GREB1L: variants seen among roughly 807,000 people sequenced by gnomAD.
GREB1L encodes GREB1 like retinoic acid receptor coactivator.
GREB1L carries 17 observed loss-of-function variants against 200.8 expected under a neutral mutation model. The ratio of observed to expected loss-of-function variants is 0.08; its 90% CI spans 0.06 to 0.13. The LOEUF is 0.13. Ranked by LOEUF, GREB1L falls within the 10% of genes least tolerant of loss-of-function variation. GREB1L has a pLI of 1.00. For missense variants in GREB1L, 1,657 were observed against 2,367.7 expected, an observed-to-expected ratio of 0.70 and a Z score of 6.23; for synonymous variants, 789 against 893.0, an observed-to-expected ratio of 0.88 and a Z score of 2.08.
At chr18:21,451,661 T>C (rs1191546335) in intron 13 of GREB1L, among the ~76,000 whole-genome samples, 1 of 151,808 alleles carries the variant, frequency 6.6e-6, no homozygotes, top group Non-Finnish European at 1.5e-5. Context: ...GCCTGGCTAA[T>C]TTTTTAATTT....
chr18:21,440,488 G>A, intron 9 of GREB1L, 100 bp downstream of exon 9: 5 of 1,171,768 alleles, frequency 4.3e-6, no homozygotes, highest in Non-Finnish European at 4.9e-6. Context: ...TGAGTTATAT[G>A]AGGATATTGA....
At chr18:21,310,972 G>C (rs1353034282) in intron 1 of GREB1L, among the ~76,000 whole-genome samples, 1 of 152,184 alleles carries the variant, frequency 6.6e-6, no homozygotes, top group African/African-American at 2.4e-5. Context: ...TTTGGGTTTG[G>C]TGAGTAGAGG....
Position 21,514,000 on chromosome 18 carries a change from C to G in GREB1L, c.4901+14C>G, listed in dbSNP as rs181329409. The G allele has an allele frequency of 1.3e-6, 2 of 1,549,850 alleles. No individual in the cohort carries two copies. The highest frequency in any genetic ancestry group is 2.4e-5 in the East Asian group (1 of 40,916). On this transcript the variant is annotated intron_variant, in intron 28 of 32. Coordinates refer to ENST00000424526, the MANE Select transcript of GREB1L (RefSeq NM_001142966.3). ...GGAGCCATCCAGGTAGACTTCCAAG[C>G]TGGGGGCGTATGACACAATGCTATA...
intron 13 of GREB1L, 53 bp from the exon 14 acceptor site, chr18:21,452,030 A>C: frequency 6.5e-7 from 1 of 1,529,254 alleles, no homozygotes; most frequent in Non-Finnish European, 8.8e-7. Flanking sequence ...AGTTAATAAA[A>C]ATGAAACAAA....
intron 1 of GREB1L, among the ~76,000 whole-genome samples, chr18:21,274,140 G>A (rs899945109): frequency 3.3e-5 from 5 of 152,076 alleles, no homozygotes; most frequent in Admixed American, 3.3e-4. Context: ...TCTGCTAAGG[G>A]TCCATTTCTT....
intron 31 of GREB1L, among the ~76,000 whole-genome samples, chr18:21,519,979 GGTGCAATCTCGGCTCA>G (rs1368561448): frequency 6.7e-6 from 1 of 150,370 alleles, no homozygotes; most frequent in African/African-American, 2.5e-5. Flanking sequence ...GGAGTGCAAT[GGTGCAATCTCGGCTCA>G]GTGCAACCTC....
chr18:21,328,380 C>A (rs930983371), intron 1 of GREB1L, among the ~76,000 whole-genome samples: 1 of 152,158 alleles, frequency 6.6e-6, no homozygotes, highest in African/African-American at 2.4e-5. Flanking sequence ...CCCAGTAAGA[C>A]CCCAACCTGA....
intron 1 of GREB1L, among the ~76,000 whole-genome samples, chr18:21,315,670 A>AGGCAGGGAGGCCTACTCCCTATTTTAGAC (rs2038856116): frequency 1.3e-5 from 2 of 152,090 alleles, no homozygotes; most frequent in Admixed American, 1.3e-4. Context: ...GAGGCCTACT[A>AGGCAGGGAGGCCTACTCCCTATTTTAGAC]ATATATGTCT....
chr18:21,386,703 C>T (rs2040557041), intron 4 of GREB1L, among the ~76,000 whole-genome samples: 1 of 147,690 alleles, frequency 6.8e-6, no homozygotes, highest in Non-Finnish European at 1.5e-5. Context: ...GACAGGATTC[C>T]ACCGTGTTAG....
chr18:21,499,538 C>CCAACTGAGAAGCCAGGG (rs2036687064), intron 21 of GREB1L, among the ~76,000 whole-genome samples, 191 bp from the exon 22 acceptor site: 1 of 152,192 alleles, frequency 6.6e-6, no homozygotes, highest in African/African-American at 2.4e-5. Flanking sequence ...ATTGGCCAAA[C>CCAACTGAGAAGCCAGGG]CAACTGAGAA....
intron 17 of GREB1L, among the ~76,000 whole-genome samples, chr18:21,483,585 A>G (rs8087090): frequency 0.3 from 45,580 of 151,660 alleles, 8,954 homozygotes; most frequent in African/African-American, 0.52. Context: ...TTTGGGGGGG[A>G]CCTCAAAAAA....
intron 11 of GREB1L, among the ~76,000 whole-genome samples, chr18:21,446,797 T>TTGA (rs1490953069): frequency 1.3e-5 from 2 of 152,212 alleles, no homozygotes; most frequent in African/African-American, 4.8e-5. Context: ...AGCGGCTCAG[T>TTGA]TACTTAGAGG....
At chr18:21,454,321 G>A (rs759523350) in intron 14 of GREB1L, 45 bp from the exon 15 acceptor site, 98 of 1,307,728 alleles carry the variant, frequency 7.5e-5, no homozygotes, top group South Asian at 6.6e-4. Flanking sequence ...TGGCCATTAG[G>A]GAAGTAAATT....
At chr18:21,405,212 G>T (rs2030038758) in intron 7 of GREB1L, among the ~76,000 whole-genome samples, 1 of 152,164 alleles carries the variant, frequency 6.6e-6, no homozygotes, top group Admixed American at 6.5e-5. Flanking sequence ...AGAGAACATG[G>T]TGTCACTAGG....
chr18:21,380,726 A>C (rs2040269507), intron 2 of GREB1L: 1 of 152,224 alleles, frequency 6.6e-6, no homozygotes, highest in Non-Finnish European at 1.5e-5. Context: ...AGGATTAAAT[A>C]CAACAATTTT....
intron 1 of GREB1L, among the ~76,000 whole-genome samples, chr18:21,269,488 T>C (rs2038044397): frequency 6.6e-6 from 1 of 152,172 alleles, no homozygotes; most frequent in Admixed American, 6.5e-5. Context: ...GTCAAGAACA[T>C]TGTAGAGCTG....
At chr18:21,518,805 T>A (rs546438071) in intron 31 of GREB1L, among the ~76,000 whole-genome samples, 1 of 152,328 alleles carries the variant, frequency 6.6e-6, no homozygotes, top group East Asian at 1.9e-4. Context: ...TAGTTTTTTT[T>A]AAACTGCCAC....
intron 17 of GREB1L, among the ~76,000 whole-genome samples, chr18:21,481,566 CAA>C (rs1322560704): frequency 1.3e-5 from 2 of 149,552 alleles, no homozygotes; most frequent in Non-Finnish European, 3.0e-5. Flanking sequence ...TGAATTTTTA[CAA>C]ACGAAACACG....
chr18:21,494,631 AT>A (rs1421947101), intron 19 of GREB1L, among the ~76,000 whole-genome samples: 1 of 152,122 alleles, frequency 6.6e-6, no homozygotes, highest in East Asian at 1.9e-4. Flanking sequence ...AAAAAAAAAA[AT>A]TGTATGTATT....
Sources: gnomAD v4.1 joint callset for allele counts (sites outside exome capture counted in the v4.1 genomes callset) on GRCh38, gnomAD v4.1.1 for gene constraint, MANE v1.5 for transcripts, NCBI Gene and HGNC (gene_info 2026-07-23, HGNC 2026-07-21) for gene names.